OLFM3: variants seen among roughly 807,000 people sequenced by gnomAD.
The protein encoded by OLFM3 is olfactomedin 3.
Under a neutral mutation model 48.6 loss-of-function variants are expected in OLFM3, and 20 were observed. That is an observed-to-expected ratio of 0.41 (90% CI 0.29 to 0.60). OLFM3 has a LOEUF of 0.60. OLFM3 is among the 20% of genes least tolerant of loss of function. OLFM3 has a pLI of 0.28. For synonymous variants in OLFM3, 222 were observed against 198.1 expected, an observed-to-expected ratio of 1.12 and a Z score of -1.01; for missense variants, 437 against 544.3, an observed-to-expected ratio of 0.80 and a Z score of 1.96.
intron 1 of OLFM3, among the ~76,000 whole-genome samples, chr1:101,984,247 C>CAAAAAA (rs11313941): frequency 1.1e-5 from 1 of 89,656 alleles, no homozygotes; most frequent in Non-Finnish European, 2.2e-5. Context: ...GACTCTGTCT[C>CAAAAAA]AAAAAAAAAA....
intron 4 of OLFM3, among the ~76,000 whole-genome samples, chr1:101,824,262 C>A (rs773429893): frequency 6.6e-6 from 1 of 152,166 alleles, no homozygotes; most frequent in African/African-American, 2.4e-5. Context: ...CCTAAATTAA[C>A]TTGTAGCTCC....
chr1:101,935,975 AAAT>A (rs1378577807), intron 1 of OLFM3, among the ~76,000 whole-genome samples: 1 of 152,122 alleles, frequency 6.6e-6, no homozygotes, highest in African/African-American at 2.4e-5. Flanking sequence ...ACATGCCTCA[AAAT>A]AATAAGAACC....
chr1:101,989,198 C>A (rs1477755640), intron 1 of OLFM3, among the ~76,000 whole-genome samples: 1 of 152,054 alleles, frequency 6.6e-6, no homozygotes, highest in Non-Finnish European at 1.5e-5. Context: ...ATGAATACAA[C>A]AGCATCTGCA....
At chr1:101,886,857 T>G (rs1657780472) in intron 1 of OLFM3, among the ~76,000 whole-genome samples, 1 of 152,110 alleles carries the variant, frequency 6.6e-6, no homozygotes, top group African/African-American at 2.4e-5. Flanking sequence ...TTCCAATTTA[T>G]TCATTAAACA....
chr1:101,873,745 C>G (rs1657183097), intron 1 of OLFM3, among the ~76,000 whole-genome samples: 1 of 151,614 alleles, frequency 6.6e-6, no homozygotes, highest in South Asian at 2.1e-4. Flanking sequence ...CTAGCTTAGT[C>G]AAGTTACTAG....
At chr1:101,990,918 G>C (rs552786514) in intron 1 of OLFM3, among the ~76,000 whole-genome samples, 7 of 141,258 alleles carry the variant, frequency 5.0e-5, no homozygotes, top group South Asian at 4.7e-4. Context: ...CCAGGAGGCA[G>C]AGCTTGCAGT....
intron 1 of OLFM3, among the ~76,000 whole-genome samples, chr1:101,941,808 C>T (rs1373334803): frequency 2.0e-5 from 3 of 152,084 alleles, no homozygotes; most frequent in East Asian, 1.9e-4. Flanking sequence ...TGATATTAGC[C>T]GCTTCTCAAG....
chr1:101,812,274 G>C (rs1159955272), intron 4 of OLFM3: 3 of 253,146 alleles, frequency 1.2e-5, no homozygotes, highest in African/African-American at 2.3e-5. Flanking sequence ...ACATGGCACA[G>C]GTATACATAT....
At chr1:101,849,946 C>T (rs890534249) in intron 1 of OLFM3, among the ~76,000 whole-genome samples, 3 of 151,998 alleles carry the variant, frequency 2.0e-5, no homozygotes, top group African/African-American at 7.3e-5. Flanking sequence ...GATAATGTGC[C>T]CCACACTTAG....
At chr1:101,868,210 G>A (rs931033289) in intron 1 of OLFM3, among the ~76,000 whole-genome samples, 6 of 152,312 alleles carry the variant, frequency 3.9e-5, no homozygotes, top group African/African-American at 1.4e-4. Context: ...AAATGTGGAA[G>A]CAACTTTGGA....
chr1:101,868,203 T>C (rs1249599448), intron 1 of OLFM3, among the ~76,000 whole-genome samples: 1 of 152,186 alleles, frequency 6.6e-6, no homozygotes. Flanking sequence ...ATACTCAAAA[T>C]GTGGAAGCAA....
chr1:101,847,368 A>C (rs1656049780), intron 1 of OLFM3, among the ~76,000 whole-genome samples: 1 of 152,130 alleles, frequency 6.6e-6, no homozygotes, highest in Admixed American at 6.6e-5. Flanking sequence ...ATTAAAAAAA[A>C]AAAATACACC....
intron 1 of OLFM3, among the ~76,000 whole-genome samples, chr1:101,950,388 G>A (rs1053961664): frequency 6.6e-6 from 1 of 151,696 alleles, no homozygotes; most frequent in South Asian, 2.1e-4. Flanking sequence ...GATGTAGGTG[G>A]ATTTCTCACC....
At chr1:101,970,831 G>C (rs1205325309) in intron 1 of OLFM3, among the ~76,000 whole-genome samples, 3 of 152,224 alleles carry the variant, frequency 2.0e-5, no homozygotes, top group African/African-American at 7.2e-5. Flanking sequence ...TTGCAAGGCA[G>C]AATAACATGG....
chr1:101,858,870 T>C (rs1177303131), intron 1 of OLFM3, among the ~76,000 whole-genome samples: 1 of 152,072 alleles, frequency 6.6e-6, no homozygotes, highest in African/African-American at 2.4e-5. Flanking sequence ...CAGGTAGTTC[T>C]TTATAGCAAT....
chr1:101,830,952 A>G (rs960016805), intron 2 of OLFM3, 125 bp from the exon 3 acceptor site: 2 of 714,870 alleles, frequency 2.8e-6, no homozygotes, highest in Non-Finnish European at 4.6e-6. Context: ...GGGTTCCCAT[A>G]TGACACATTT....
At chr1:101,946,771 G>A (rs1659977243) in intron 1 of OLFM3, among the ~76,000 whole-genome samples, 1 of 152,042 alleles carries the variant, frequency 6.6e-6, no homozygotes, top group Admixed American at 6.6e-5. Flanking sequence ...TAAATAAAAT[G>A]GAAACTTTAG....
intron 1 of OLFM3, among the ~76,000 whole-genome samples, chr1:101,883,179 G>A (rs1239176682): frequency 6.6e-6 from 1 of 151,624 alleles, no homozygotes; most frequent in Non-Finnish European, 1.5e-5. Context: ...GAAGATGAAG[G>A]TAACCAGTAT....
chr1:101,886,032 A>T, intron 1 of OLFM3, among the ~76,000 whole-genome samples: 1 of 152,100 alleles, frequency 6.6e-6, no homozygotes, highest in South Asian at 2.1e-4. Context: ...ATCTTATAAT[A>T]AGTGATATAA....
Sources: gnomAD v4.1 joint callset for allele counts (sites outside exome capture counted in the v4.1 genomes callset) on GRCh38, gnomAD v4.1.1 for gene constraint, MANE v1.5 for transcripts, NCBI Gene and HGNC (gene_info 2026-07-23, HGNC 2026-07-21) for gene names.